The following PJA2 variants were observed in gnomAD, a reference collection of about 807,000 sequenced individuals.
The protein encoded by PJA2 is E3 ubiquitin-protein ligase Praja-2.
PJA2 carries 25 observed loss-of-function variants against 69.3 expected under a neutral mutation model. That is an observed-to-expected ratio of 0.36 (90% CI 0.26 to 0.50). PJA2 has a LOEUF of 0.50. Among genes scored for constraint, PJA2 ranks in the 20% least tolerant of loss-of-function variants. The probability of loss-of-function intolerance (pLI) is 0.96; values close to 1 mark genes in which losing one functional copy is unlikely to be tolerated. For missense variants in PJA2, 809 were observed against 830.2 expected (o/e 0.97, Z 0.31); for synonymous variants, 308 against 277.8 (o/e 1.11, Z -1.08).
intron 3 of PJA2, among the ~76,000 whole-genome samples, chr5:109,380,989 C>T (rs968458263): frequency 2.0e-5 from 3 of 151,654 alleles, no homozygotes; most frequent in African/African-American, 7.3e-5. Flanking sequence ...GTGACAAACA[C>T]CTGTAATCCC....
chr5:109,394,334 C>T (rs931056304), intron 1 of PJA2, among the ~76,000 whole-genome samples: 6 of 151,820 alleles, frequency 4.0e-5, no homozygotes, highest in African/African-American at 4.9e-5. Context: ...AGGTGTGAGC[C>T]GCCATGCCCA....
Position 109,336,721 on chromosome 5 carries a change from A to C in PJA2, c.*510T>G, listed in dbSNP as rs1009671948. 8 of 152,218 alleles carry C rather than the reference A, an allele frequency of 5.3e-5. No individual in the cohort carries two copies. The highest frequency in any genetic ancestry group is 3.3e-4 in the Admixed American group (5 of 15,282). 9.4% of individuals were successfully genotyped at this position (152,218 alleles called of 1,614,324 possible). On this transcript the variant is annotated 3_prime_UTR_variant, in exon 10 of 10. Coordinates refer to ENST00000361189, the MANE Select transcript of PJA2 (RefSeq NM_014819.5). ...AAGTTCTAATTTTAAACAAAAATGG[A>C]CTTTCTGAAAAATTTCTCAGCATAT...
chr5:109,362,754 C>T (rs1762522798), intron 6 of PJA2, 86 bp downstream of exon 6: 2 of 1,308,750 alleles, frequency 1.5e-6, no homozygotes, highest in African/African-American at 3.0e-5. Context: ...TATAATATTT[C>T]TCAGCTAGCA....
Position 109,368,849 on chromosome 5 carries a change from T to C in PJA2, c.1284-103A>G, listed in dbSNP as rs906432088. Reference sequence around the variant, plus strand: ...GGTTTGGATCTGTGTCCCCACCAAATCTCATGTTGAACTGTAATCCAAAAT... The same window carrying C: ...GGTTTGGATCTGTGTCCCCACCAAACCTCATGTTGAACTGTAATCCAAAAT... On this transcript the variant is annotated intron_variant, in intron 4 of 9. Coordinates refer to ENST00000361189, the MANE Select transcript of PJA2 (RefSeq NM_014819.5). The C allele has an allele frequency of 4.9e-6, 6 of 1,222,392 alleles. No individual in the cohort carries two copies. The African/African-American group carries it at 9.2e-5, about 19-fold the overall frequency. 75.7% of individuals were successfully genotyped at this position (1,222,392 alleles called of 1,614,324 possible).
At chr5:109,370,767 T>C (rs918708728) in intron 4 of PJA2, among the ~76,000 whole-genome samples, 2 of 152,200 alleles carry the variant, frequency 1.3e-5, no homozygotes, top group African/African-American at 2.4e-5. Flanking sequence ...ACTCCTATTT[T>C]AATGTCTTTA....
chr5:109,381,100 C>T (rs538820933), intron 3 of PJA2, among the ~76,000 whole-genome samples: 5 of 148,580 alleles, frequency 3.4e-5, no homozygotes, highest in East Asian at 2.0e-4. Context: ...GGCAACAGAA[C>T]GTGACTCCAT....
At chr5:109,354,057 TG>T in intron 7 of PJA2, among the ~76,000 whole-genome samples, 7 of 123,632 alleles carry the variant, frequency 5.7e-5, no homozygotes, top group African/African-American at 9.8e-5. Flanking sequence ...TAGATATCTA[TG>T]ATATCTAGAG....
chr5:109,392,846 C>A (rs755490885), intron 1 of PJA2, among the ~76,000 whole-genome samples: 4 of 152,048 alleles, frequency 2.6e-5, no homozygotes, highest in Non-Finnish European at 5.9e-5. Flanking sequence ...CCACAAAATG[C>A]AAAACTCAAT....
intron 9 of PJA2, 82 bp downstream of exon 9, chr5:109,344,108 A>T: frequency 1.1e-6 from 1 of 893,152 alleles, no homozygotes; most frequent in East Asian, 3.7e-5. Context: ...ACCAAAAAAA[A>T]AAAAAAAAAA....
At chr5:109,365,142 C>T (rs1762564794) in intron 5 of PJA2, among the ~76,000 whole-genome samples, 1 of 152,160 alleles carries the variant, frequency 6.6e-6, no homozygotes, top group South Asian at 2.1e-4. Flanking sequence ...GTTATTTCTC[C>T]TAAACATGTA....
chr5:109,378,190 G>GGATGT lies in PJA2; in HGVS notation c.1283+9_1283+13dup, dbSNP rs751404115. On this transcript the variant is annotated intron_variant, in intron 4 of 9. Coordinates refer to ENST00000361189, the MANE Select transcript of PJA2 (RefSeq NM_014819.5). Reference sequence around the variant, plus strand: ...TTACTACACAATCGGAAAAAGTACTGGATGTGACCTTACCTATCTTCATCT... The same window carrying GGATGT: ...TTACTACACAATCGGAAAAAGTACTGGATGTGATGTGACCTTACCTATCTTCATCT... The GGATGT allele has an allele frequency of 7.6e-5, 120 of 1,584,262 alleles. No homozygotes were observed. The highest frequency in any genetic ancestry group is 1.0e-4 in the Non-Finnish European group (117 of 1,160,374).
chr5:109,342,057 T>G (rs1582580298), intron 9 of PJA2, among the ~76,000 whole-genome samples: 2 of 107,880 alleles, frequency 1.9e-5, no homozygotes, highest in Admixed American at 9.2e-5. Flanking sequence ...GGTGGGGGGG[T>G]CAGCCCTCCG....
intron 1 of PJA2, among the ~76,000 whole-genome samples, chr5:109,403,190 G>A (rs1747600616): frequency 6.6e-6 from 1 of 152,140 alleles, no homozygotes; most frequent in South Asian, 2.1e-4. Context: ...GACGTTATAG[G>A]CATTAAAATA....
At chr5:109,355,314 A>G (rs1161311368) in intron 7 of PJA2, among the ~76,000 whole-genome samples, 1 of 152,198 alleles carries the variant, frequency 6.6e-6, no homozygotes, top group African/African-American at 2.4e-5. Flanking sequence ...CTTTTAATGA[A>G]ATCCACTGGT....
intron 1 of PJA2, among the ~76,000 whole-genome samples, chr5:109,389,368 T>C (rs2127011875): frequency 6.6e-6 from 1 of 152,256 alleles, no homozygotes; most frequent in South Asian, 2.1e-4. Flanking sequence ...ATATGTCAGC[T>C]GACTAAACTG....
intron 2 of PJA2, among the ~76,000 whole-genome samples, chr5:109,383,157 G>C (rs951136215): frequency 3.3e-5 from 5 of 152,108 alleles, no homozygotes; most frequent in Non-Finnish European, 7.4e-5. Context: ...TCTACCAAAA[G>C]AATAGTCTCC....
At chr5:109,382,986 A>G (rs1053806128) in intron 2 of PJA2, among the ~76,000 whole-genome samples, 1 of 152,258 alleles carries the variant, frequency 6.6e-6, no homozygotes, top group Admixed American at 6.5e-5. Flanking sequence ...CATATCGAGT[A>G]TAAATAATAT....
intron 1 of PJA2, among the ~76,000 whole-genome samples, chr5:109,388,439 T>C (rs1002405064): frequency 2.2e-4 from 34 of 152,212 alleles, no homozygotes; most frequent in Admixed American, 1.9e-3. Flanking sequence ...GACTATGTGA[T>C]GATAAATGTC....
At chr5:109,387,787 G>A (rs560086759) in intron 1 of PJA2, among the ~76,000 whole-genome samples, 1 of 151,386 alleles carries the variant, frequency 6.6e-6, no homozygotes, top group South Asian at 2.1e-4. Context: ...GGACATGTAA[G>A]GTACACTTCT....
Sources: allele counts gnomAD v4.1 joint callset (sites outside exome capture counted in the v4.1 genomes callset), GRCh38; gene constraint gnomAD v4.1.1; transcripts MANE v1.5; gene names NCBI Gene and HGNC (gene_info 2026-07-23, HGNC 2026-07-21).